ARMH3: variants seen among roughly 807,000 people sequenced by gnomAD.
ARMH3 encodes armadillo like helical domain containing 3.
A neutral mutation model predicts 99.1 loss-of-function variants in ARMH3; 60 were observed. The ratio of observed to expected loss-of-function variants is 0.61; its 90% CI spans 0.49 to 0.75. ARMH3 has a LOEUF of 0.75. ARMH3 is among the 30% of genes least tolerant of loss of function. The pLI, the probability that ARMH3 is intolerant of heterozygous loss-of-function variation, is 0.00. For missense variants in ARMH3, 679 were observed against 843.1 expected (o/e 0.81, Z 2.41); for synonymous variants, 285 against 292.8 (o/e 0.97, Z 0.27).
At chr10:102,033,424 CTT>C (rs370808918) in intron 2 of ARMH3, 85 bp from the exon 3 acceptor site, 2,487 of 1,070,172 alleles carry the variant, frequency 2.3e-3, no homozygotes, top group South Asian at 4.4e-3. Context: ...CCTTAGTTTT[CTT>C]TTTTTTTTTT....
At chr10:102,015,473 C>T (rs900798965) in intron 8 of ARMH3, among the ~76,000 whole-genome samples, 1 of 151,836 alleles carries the variant, frequency 6.6e-6, no homozygotes, top group African/African-American at 2.4e-5. Flanking sequence ...TCACCACAAC[C>T]TCTGCCTCCC....
intron 24 of ARMH3, among the ~76,000 whole-genome samples, chr10:101,877,977 G>A (rs2067310087): frequency 6.6e-6 from 1 of 151,972 alleles, no homozygotes; most frequent in African/African-American, 2.4e-5. Context: ...CACTGTGCTG[G>A]CTGGGCACAG....
chr10:102,019,878 A>G (rs866120947), intron 8 of ARMH3, among the ~76,000 whole-genome samples: 4 of 151,390 alleles, frequency 2.6e-5, no homozygotes, highest in Non-Finnish European at 4.4e-5. Context: ...CAGTGAGCCA[A>G]GATCACGCCA....
chr10:101,946,045 C>A (rs1190188810), intron 22 of ARMH3, among the ~76,000 whole-genome samples: 1 of 112,604 alleles, frequency 8.9e-6, no homozygotes, highest in Non-Finnish European at 1.7e-5. Flanking sequence ...GCACTCCAGC[C>A]TGGGCGACAG....
chr10:101,918,444 C>CA (rs1339680830), intron 23 of ARMH3, among the ~76,000 whole-genome samples: 5 of 152,088 alleles, frequency 3.3e-5, no homozygotes, highest in Non-Finnish European at 5.9e-5. Context: ...CCTATCATGG[C>CA]AAAAAATGTG....
At chr10:101,994,431 T>C (rs59543819) in intron 16 of ARMH3, among the ~76,000 whole-genome samples, 50,803 of 151,566 alleles carry the variant, frequency 0.34, 8,701 homozygotes, top group East Asian at 0.53. Flanking sequence ...ATGTGGAATA[T>C]CTTCACCATT....
chr10:101,978,336 T>A (rs1266947511), intron 19 of ARMH3, among the ~76,000 whole-genome samples: 3 of 152,186 alleles, frequency 2.0e-5, no homozygotes, highest in African/African-American at 7.2e-5. Context: ...TGTCTCTGGC[T>A]CTCACATCAC....
intron 15 of ARMH3, 31 bp downstream of exon 15, chr10:102,001,940 T>C: frequency 6.2e-7 from 1 of 1,601,908 alleles, no homozygotes; most frequent in Non-Finnish European, 8.5e-7. Context: ...CACCTTTGAC[T>C]TCCTGAGCCC....
At chr10:101,925,738 A>G (rs950259301) in intron 23 of ARMH3, among the ~76,000 whole-genome samples, 3 of 152,062 alleles carry the variant, frequency 2.0e-5, no homozygotes, top group Non-Finnish European at 2.9e-5. Flanking sequence ...GTGAAATCCC[A>G]TCTCTACTAA....
At chr10:101,876,374 T>G (rs1001692536) in intron 24 of ARMH3, among the ~76,000 whole-genome samples, 1 of 151,518 alleles carries the variant, frequency 6.6e-6, no homozygotes, top group Non-Finnish European at 1.5e-5. Flanking sequence ...CTTGGAAACA[T>G]CACATCTAAG....
chr10:102,025,375 C>T, intron 5 of ARMH3, 127 bp from the exon 6 acceptor site: 1 of 672,718 alleles, frequency 1.5e-6, no homozygotes, highest in Non-Finnish European at 2.5e-6. Context: ...TTTCCTTAGG[C>T]CCAGAACTTA....
At chr10:101,985,200 A>G (rs988069595) in intron 19 of ARMH3, among the ~76,000 whole-genome samples, 4 of 146,362 alleles carry the variant, frequency 2.7e-5, no homozygotes, top group African/African-American at 1.0e-4. Flanking sequence ...GTGTGTATAT[A>G]TATACGTATA....
At chr10:101,878,259 A>AAAAT (rs1267261438) in intron 24 of ARMH3, among the ~76,000 whole-genome samples, 2 of 152,212 alleles carry the variant, frequency 1.3e-5, no homozygotes, top group Admixed American at 6.5e-5. Context: ...CTCTGTTTCA[A>AAAAT]AAATAAATAA....
Position 101,976,408 on chromosome 10 carries a change from TCTCTCA to T in ARMH3, c.1407-1114_1407-1109del, listed in dbSNP as rs1311423738. Among the ~76,000 whole-genome samples the T allele has an allele frequency of 3.1e-3, 396 of 128,994 alleles. 1 individual carries two copies. The highest frequency in any genetic ancestry group is 0.013 in the Middle Eastern group (3 of 236). The allele number at this position is 128,994 out of a possible 152,430, so 84.6% of individuals were successfully genotyped here. A position where few individuals can be genotyped will look rare whatever the true frequency, so the allele number is the denominator to read the frequency against. On this transcript the variant is annotated intron_variant, in intron 19 of 25. Coordinates refer to ENST00000370033, the MANE Select transcript of ARMH3 (RefSeq NM_024541.3). The stretch of plus-strand genomic sequence containing the variant: ...ATCTCTCTCTCTCTCTCTCTCTCTC[TCTCTCA>T]CACACACACACACGCAATCACATAC...
rs1381999994 is a variant in ARMH3, at chr10:102,006,739, T to G, written c.955-106A>C. 21 of 1,038,994 alleles carry G rather than the reference T, an allele frequency of 2.0e-5. No individual in the cohort carries two copies. The Admixed American group carries it at 5.1e-4, about 25-fold the overall frequency. The allele number at this position is 1,038,994 out of a possible 1,614,324, so 64.4% of individuals were successfully genotyped here. ...TGGTATTCTGGACCTTATAATTTTTTTTTTTTGAGACAGCATCTTGCTATG... is the reference window on the plus strand; with the variant it reads ...TGGTATTCTGGACCTTATAATTTTTGTTTTTTGAGACAGCATCTTGCTATG... On this transcript the variant is annotated intron_variant, in intron 13 of 25. Transcript: ENST00000370033.
chr10:102,017,238 A>G (rs1377956399), intron 8 of ARMH3, among the ~76,000 whole-genome samples: 1 of 152,158 alleles, frequency 6.6e-6, no homozygotes, highest in East Asian at 1.9e-4. Flanking sequence ...TTCCTACTCC[A>G]TGATCACCAG....
At chr10:101,899,010 A>T (rs948059604) in intron 23 of ARMH3, among the ~76,000 whole-genome samples, 1 of 152,260 alleles carries the variant, frequency 6.6e-6, no homozygotes, top group Non-Finnish European at 1.5e-5. Context: ...TTCCCCGAAC[A>T]ACATGGTTCA....
chr10:101,961,470 C>CA (rs1845299213), intron 20 of ARMH3, among the ~76,000 whole-genome samples: 2 of 151,858 alleles, frequency 1.3e-5, no homozygotes, highest in South Asian at 4.2e-4. Flanking sequence ...AGAACCAAAA[C>CA]AAAAAAATAT....
intron 23 of ARMH3, among the ~76,000 whole-genome samples, chr10:101,925,242 TATAA>T (rs1473143941): frequency 1.3e-5 from 2 of 152,214 alleles, no homozygotes; most frequent in African/African-American, 4.8e-5. Flanking sequence ...ATATCATGCG[TATAA>T]ATAGTCTCCT....
Sources: allele counts gnomAD v4.1 joint callset (sites outside exome capture counted in the v4.1 genomes callset), GRCh38; gene constraint gnomAD v4.1.1; transcripts MANE v1.5; gene names NCBI Gene and HGNC (gene_info 2026-07-23, HGNC 2026-07-21).